The following PDE1A variants were observed in gnomAD, a reference collection of about 807,000 sequenced individuals.
PDE1A encodes dual specificity calcium/calmodulin-dependent 3',5'-cyclic nucleotide phosphodiesterase 1A.
PDE1A carries 35 observed loss-of-function variants against 61.7 expected under a neutral mutation model. The ratio of observed to expected loss-of-function variants is 0.57; its 90% CI spans 0.43 to 0.75. The LOEUF is 0.75. Ranked by LOEUF, PDE1A falls within the 30% of genes least tolerant of loss-of-function variation. The pLI is 0.00. For missense variants in PDE1A, 597 were observed against 630.6 expected, an observed-to-expected ratio of 0.95 and a Z score of 0.57; for synonymous variants, 232 against 213.2, an observed-to-expected ratio of 1.09 and a Z score of -0.77.
At chr2:182,510,364 G>A (rs932736121) in intron 2 of PDE1A, among the ~76,000 whole-genome samples, 7 of 152,040 alleles carry the variant, frequency 4.6e-5, no homozygotes, top group South Asian at 2.1e-4. Flanking sequence ...AGACTTTAAC[G>A]CTATCATCTG....
intron 1 of PDE1A, chr2:182,522,496 C>G (rs1337975394): frequency 3.2e-5 from 48 of 1,523,012 alleles, no homozygotes; most frequent in Non-Finnish European, 3.6e-5. Flanking sequence ...CAAAACAGTG[C>G]TGATGTACAA....
chr2:182,151,430 A>G (rs1477680954), intron 13 of PDE1A, among the ~76,000 whole-genome samples: 1 of 152,112 alleles, frequency 6.6e-6, no homozygotes, highest in Admixed American at 6.6e-5. Context: ...TTATAAAGTA[A>G]GGTTGAACAA....
intron 1 of PDE1A, among the ~76,000 whole-genome samples, chr2:182,416,820 G>T (rs1559441269): frequency 6.6e-6 from 1 of 152,170 alleles, no homozygotes; most frequent in Non-Finnish European, 1.5e-5. Flanking sequence ...GAGTAAACGA[G>T]TTTTACTACA....
intron 13 of PDE1A, among the ~76,000 whole-genome samples, chr2:182,180,232 T>A (rs1037109870): frequency 1.3e-5 from 2 of 152,190 alleles, no homozygotes; most frequent in Non-Finnish European, 2.9e-5. Context: ...ATAAATGAAT[T>A]ATAGATACAT....
At chr2:182,418,205 A>C (rs550141751) in intron 1 of PDE1A, among the ~76,000 whole-genome samples, 46 of 152,290 alleles carry the variant, frequency 3.0e-4, no homozygotes, top group Middle Eastern at 3.4e-3. Context: ...TATGTAATTA[A>C]TTATGTTCAG....
intron 1 of PDE1A, among the ~76,000 whole-genome samples, chr2:182,278,375 A>T (rs1440788248): frequency 6.6e-6 from 1 of 152,008 alleles, no homozygotes; most frequent in Non-Finnish European, 1.5e-5. Flanking sequence ...TAAACTTTTG[A>T]CATTATTTTT....
the PDE1A span, among the ~76,000 whole-genome samples, chr2:182,689,918 T>C: frequency 2.6e-5 from 4 of 152,130 alleles, no homozygotes. Flanking sequence ...GCAAATAAAC[T>C]AGAAAATTTA....
At chr2:182,442,091 T>C (rs1684833506) in intron 2 of PDE1A, among the ~76,000 whole-genome samples, 1 of 152,060 alleles carries the variant, frequency 6.6e-6, no homozygotes, top group African/African-American at 2.4e-5. Flanking sequence ...AAATTTCTAA[T>C]TAATTCAAAA....
Position 182,264,434 on chromosome 2 carries a change from A to G in PDE1A, c.54-20T>C. On this transcript the variant is annotated intron_variant, in intron 1 of 13. Transcript: ENST00000351439. ...CTTAGTCTATTTCAAAAAAGTAGCC[A>G]AAGAGAGAAAGAGCAAGGAATTTAT... 6.6e-7 allele frequency: 1 copy of G among 1,523,258 alleles called. No homozygotes were observed. The highest frequency in any genetic ancestry group is 1.1e-5 in the South Asian group (1 of 88,954). 94.4% of individuals were successfully genotyped at this position (1,523,258 alleles called of 1,614,324 possible).
At chr2:182,363,145 G>C (rs1699610832) in intron 1 of PDE1A, among the ~76,000 whole-genome samples, 1 of 151,888 alleles carries the variant, frequency 6.6e-6, no homozygotes, top group Non-Finnish European at 1.5e-5. Flanking sequence ...GAAATAATCT[G>C]TACAACAGAT....
intron 1 of PDE1A, among the ~76,000 whole-genome samples, chr2:182,317,294 C>A (rs1471500634): frequency 6.7e-6 from 1 of 149,840 alleles, no homozygotes; most frequent in Non-Finnish European, 1.5e-5. Context: ...TTGGATAAAA[C>A]TATGATTCAT....
intron 2 of PDE1A, among the ~76,000 whole-genome samples, chr2:182,440,970 C>A (rs1294291494): frequency 6.6e-6 from 1 of 152,010 alleles, no homozygotes; most frequent in African/African-American, 2.4e-5. Flanking sequence ...AGTCCATTCT[C>A]ATGCTACTAA....
chr2:182,506,620 C>T (rs182691522), intron 2 of PDE1A, among the ~76,000 whole-genome samples: 2 of 152,316 alleles, frequency 1.3e-5, no homozygotes, highest in East Asian at 3.9e-4. Context: ...TCCTGCCCCC[C>T]TCTTAAATCT....
intron 2 of PDE1A, among the ~76,000 whole-genome samples, chr2:182,263,303 C>A (rs1412593945): frequency 2.0e-5 from 3 of 152,060 alleles, no homozygotes; most frequent in Non-Finnish European, 2.9e-5. Context: ...TCCTGGGGAC[C>A]ATTTGTGGGT....
At chr2:182,584,545 A>G in the PDE1A span, among the ~76,000 whole-genome samples, 1 of 152,234 alleles carries the variant, frequency 6.6e-6, no homozygotes, top group Non-Finnish European at 1.5e-5. Flanking sequence ...ATGTGAGATG[A>G]TGTGTGTAAG....
chr2:182,343,071 TAC>T (rs1405829035), intron 1 of PDE1A, among the ~76,000 whole-genome samples: 2 of 152,218 alleles, frequency 1.3e-5, no homozygotes, highest in Non-Finnish European at 2.9e-5. Context: ...ATGGAGTGGA[TAC>T]ATTGTCTTAT....
At chr2:182,649,313 G>T in the PDE1A span, among the ~76,000 whole-genome samples, 1 of 152,128 alleles carries the variant, frequency 6.6e-6, no homozygotes, top group East Asian at 1.9e-4. Context: ...AAAGCAACAT[G>T]AGCTATTCCT....
the PDE1A span, among the ~76,000 whole-genome samples, chr2:182,568,602 T>C: frequency 1.3e-5 from 2 of 151,410 alleles, no homozygotes; most frequent in South Asian, 2.1e-4. Flanking sequence ...GGAGGGGAGC[T>C]TGCAGTGAGC....
the PDE1A span, among the ~76,000 whole-genome samples, chr2:182,664,344 T>C: frequency 0.64 from 97,542 of 151,974 alleles, 31,796 homozygotes; most frequent in Middle Eastern, 0.78. Context: ...TTGGATACAA[T>C]ATAAATGCCC....
Sources: gnomAD v4.1 joint callset for allele counts (sites outside exome capture counted in the v4.1 genomes callset) on GRCh38, gnomAD v4.1.1 for gene constraint, MANE v1.5 for transcripts, NCBI Gene and HGNC (gene_info 2026-07-23, HGNC 2026-07-21) for gene names.